AUTS2: variants seen among roughly 807,000 people sequenced by gnomAD.
The protein encoded by AUTS2 is activator of transcription and developmental regulator AUTS2.
In AUTS2, 17 loss-of-function variants were observed where a neutral mutation model predicts 112.4. That is an observed-to-expected ratio of 0.15 (90% CI 0.10 to 0.23). The LOEUF is 0.23. Among genes scored for constraint, AUTS2 ranks in the 10% least tolerant of loss-of-function variants. The pLI is 1.00. For missense variants in AUTS2, 1,510 were observed against 1,701.6 expected (o/e 0.89, Z 1.98); for synonymous variants, 751 against 702.7 (o/e 1.07, Z -1.09).
intron 1 of AUTS2, among the ~76,000 whole-genome samples, chr7:69,722,449 T>C (rs1799009007): frequency 6.6e-6 from 1 of 151,128 alleles, no homozygotes; most frequent in African/African-American, 2.4e-5. Flanking sequence ...CCATGTGAGC[T>C]CACTGCAACC....
At position 69,641,345 on chromosome 7, in the gene AUTS2, C is replaced by T. The variant is rs547406120; in HGVS notation, c.309+41383C>T. ...CTCATACATCAAGATTCAAACAACT[C>T]GGCCTCTTCATGCTTTCGCTGATCC... On this transcript the variant is annotated intron_variant, in intron 1 of 18. Transcript: ENST00000342771. 5.6e-4 allele frequency among the ~76,000 whole-genome samples: 85 copies of T among 152,112 alleles called. 1 individual carries two copies. The highest frequency in any genetic ancestry group is 1.0e-3 in the South Asian group (5 of 4,828).
intron 2 of AUTS2, among the ~76,000 whole-genome samples, chr7:70,005,900 A>G (rs147583217): frequency 1.1e-3 from 170 of 152,318 alleles, no homozygotes; most frequent in African/African-American, 3.9e-3. Context: ...CTAAATTAGT[A>G]TATTTGATTA....
At chr7:70,583,450 CG>C (rs1272816226) in intron 5 of AUTS2, among the ~76,000 whole-genome samples, 3 of 152,154 alleles carry the variant, frequency 2.0e-5, no homozygotes, top group Admixed American at 6.5e-5. Flanking sequence ...TCTCCCTGCT[CG>C]AGGCAGAGGG....
chr7:70,070,715 A>T (rs914244823), intron 2 of AUTS2, among the ~76,000 whole-genome samples: 3 of 151,506 alleles, frequency 2.0e-5, no homozygotes, highest in African/African-American at 7.3e-5. Context: ...AAATACAAAA[A>T]ATTAGCCGAG....
chr7:70,212,617 A>C (rs1182582830), intron 4 of AUTS2, among the ~76,000 whole-genome samples: 1 of 151,004 alleles, frequency 6.6e-6, no homozygotes, highest in East Asian at 1.9e-4. Context: ...TTTTGGCATT[A>C]AAAAAAAATC....
chr7:70,363,724 TG>T (rs1434186409), intron 4 of AUTS2, among the ~76,000 whole-genome samples: 1 of 152,194 alleles, frequency 6.6e-6, no homozygotes, highest in Non-Finnish European at 1.5e-5. Flanking sequence ...TATTCTTTTA[TG>T]CTTCTTTGAA....
intron 1 of AUTS2, among the ~76,000 whole-genome samples, chr7:69,883,643 T>G (rs1397250026): frequency 6.6e-6 from 1 of 152,124 alleles, no homozygotes; most frequent in Non-Finnish European, 1.5e-5. Flanking sequence ...AAGGAAAGTC[T>G]CCCTCAAACA....
At chr7:70,125,581 G>A (rs943445792) in intron 3 of AUTS2, among the ~76,000 whole-genome samples, 4 of 151,974 alleles carry the variant, frequency 2.6e-5, no homozygotes, top group Non-Finnish European at 4.4e-5. Flanking sequence ...CATGATTCTC[G>A]CTTTCTGTGA....
intron 1 of AUTS2, among the ~76,000 whole-genome samples, chr7:69,801,674 T>C (rs1790089878): frequency 6.6e-6 from 1 of 152,200 alleles, no homozygotes; most frequent in East Asian, 1.9e-4. Flanking sequence ...TTTGTTCATT[T>C]ATTCATTCAT....
At chr7:69,787,324 A>G (rs1187449117) in intron 1 of AUTS2, among the ~76,000 whole-genome samples, 1 of 152,238 alleles carries the variant, frequency 6.6e-6, no homozygotes, top group Non-Finnish European at 1.5e-5. Context: ...TTAAGAAACA[A>G]GGAAAATCTA....
intron 1 of AUTS2, among the ~76,000 whole-genome samples, chr7:69,615,151 C>T (rs1385532063): frequency 6.6e-6 from 1 of 152,062 alleles, no homozygotes. Context: ...TTCCTTGTAT[C>T]CTTCCTTGCC....
chr7:70,352,487 G>C (rs1449462564), intron 4 of AUTS2, among the ~76,000 whole-genome samples: 1 of 152,108 alleles, frequency 6.6e-6, no homozygotes, highest in African/African-American at 2.4e-5. Flanking sequence ...GTCAGGAGGG[G>C]TTATCTAGAT....
chr7:70,511,489 A>T (rs999721100), intron 5 of AUTS2, among the ~76,000 whole-genome samples: 4 of 149,512 alleles, frequency 2.7e-5, no homozygotes, highest in African/African-American at 9.9e-5. Context: ...GACAGCCCCA[A>T]CTTCTATATG....
At chr7:69,951,818 G>A (rs944806118) in intron 2 of AUTS2, among the ~76,000 whole-genome samples, 1 of 152,130 alleles carries the variant, frequency 6.6e-6, no homozygotes. Flanking sequence ...AAGAAAAAAG[G>A]TCAGTTATTT....
chr7:70,006,101 G>A (rs189363565), intron 2 of AUTS2, among the ~76,000 whole-genome samples: 12 of 152,228 alleles, frequency 7.9e-5, no homozygotes, highest in Admixed American at 3.9e-4. Flanking sequence ...AGGGTGCCCC[G>A]TCCTCAGAAC....
At chr7:69,733,956 G>A (rs377679229) in intron 1 of AUTS2, among the ~76,000 whole-genome samples, 34 of 152,218 alleles carry the variant, frequency 2.2e-4, no homozygotes, top group African/African-American at 7.5e-4. Context: ...TTTTAAATGA[G>A]ACTTATTCAA....
chr7:70,649,535 T>TATTTA (rs1472810884), intron 5 of AUTS2, among the ~76,000 whole-genome samples: 1 of 151,242 alleles, frequency 6.6e-6, no homozygotes, highest in Non-Finnish European at 1.5e-5. Flanking sequence ...TTTATTTATT[T>TATTTA]ATTTATTTTT....
chr7:70,453,236 T>C (rs1438350416), intron 5 of AUTS2, among the ~76,000 whole-genome samples: 1 of 152,060 alleles, frequency 6.6e-6, no homozygotes, highest in Non-Finnish European at 1.5e-5. Flanking sequence ...AATGAAACAA[T>C]GATGGGAATT....
chr7:69,648,831 C>T (rs755203389), intron 1 of AUTS2, among the ~76,000 whole-genome samples: 11 of 152,046 alleles, frequency 7.2e-5, no homozygotes, highest in Non-Finnish European at 1.6e-4. Flanking sequence ...TTTAAGTTTG[C>T]AAAATGCCTT....
Sources: gnomAD v4.1 joint callset for allele counts (sites outside exome capture counted in the v4.1 genomes callset) on GRCh38, gnomAD v4.1.1 for gene constraint, MANE v1.5 for transcripts, NCBI Gene and HGNC (gene_info 2026-07-23, HGNC 2026-07-21) for gene names.